The following PNPT1 variants were observed in gnomAD, a reference collection of about 807,000 sequenced individuals.
The protein encoded by PNPT1 is polyribonucleotide nucleotidyltransferase 1, mitochondrial.
In PNPT1, 53 loss-of-function variants were observed where a neutral mutation model predicts 119.5. The ratio of observed to expected loss-of-function variants is 0.44; its 90% CI spans 0.36 to 0.56. The LOEUF (loss-of-function observed/expected upper bound fraction) is 0.56. PNPT1 is among the 20% of genes least tolerant of loss of function. PNPT1 has a pLI of 0.00. For missense variants in PNPT1, 948 were observed against 938.5 expected (o/e 1.01, Z -0.13); for synonymous variants, 357 against 322.1 (o/e 1.11, Z -1.16).
At position 55,643,299 on chromosome 2, in the gene PNPT1, T is replaced by C. The variant is rs780917975; in HGVS notation, c.2013+20A>G. 6.2e-7 allele frequency: 1 copy of C among 1,611,402 alleles called. No homozygotes were observed. The highest frequency in any genetic ancestry group is 2.2e-5 in the East Asian group (1 of 44,862). On this transcript the variant is annotated intron_variant, in intron 24 of 27. Coordinates refer to ENST00000447944, the MANE Select transcript of PNPT1 (RefSeq NM_033109.5). The stretch of plus-strand genomic sequence containing the variant: ...ACAAATATAGCTATATGATACGTAA[T>C]TAATATGATCTATACTTACATCATC...
intron 8 of PNPT1, among the ~76,000 whole-genome samples, chr2:55,677,596 CAAAAAA>C (rs70954146): frequency 6.0e-5 from 2 of 33,504 alleles, no homozygotes; most frequent in Non-Finnish European, 5.2e-5. Flanking sequence ...GACTATGTCT[CAAAAAA>C]AAAAAAAAAA....
intron 26 of PNPT1, among the ~76,000 whole-genome samples, chr2:55,637,827 C>T (rs767142476): frequency 5.9e-5 from 9 of 151,828 alleles, no homozygotes; most frequent in Non-Finnish European, 1.3e-4. Context: ...AGTGAAACCC[C>T]ATCTCTGCTA....
At chr2:55,688,028 T>C (rs968273930) in intron 1 of PNPT1, among the ~76,000 whole-genome samples, 34 of 151,980 alleles carry the variant, frequency 2.2e-4, no homozygotes, top group Non-Finnish European at 4.1e-4. Context: ...TCTTTGTGCC[T>C]TGTATCTTCT....
chr2:55,671,176 G>C (rs1424719607), intron 11 of PNPT1, 143 bp downstream of exon 11: 9 of 457,440 alleles, frequency 2.0e-5, no homozygotes, highest in Non-Finnish European at 3.5e-5. Flanking sequence ...CAGCTGTAAA[G>C]TTGAAAGTCC....
intron 18 of PNPT1, among the ~76,000 whole-genome samples, chr2:55,650,737 G>A (rs1438215149): frequency 6.6e-6 from 1 of 151,306 alleles, no homozygotes; most frequent in Non-Finnish European, 1.5e-5. Flanking sequence ...GAAGTGAGGA[G>A]ACCCTCCGCC....
chr2:55,678,631 G>C (rs1200062988), intron 8 of PNPT1, among the ~76,000 whole-genome samples: 1 of 152,200 alleles, frequency 6.6e-6, no homozygotes, highest in Non-Finnish European at 1.5e-5. Flanking sequence ...GAGGATAGCA[G>C]AGGAGAAAGC....
At chr2:55,686,540 G>A in intron 2 of PNPT1, 96 bp from the exon 3 acceptor site, 2 of 825,674 alleles carry the variant, frequency 2.4e-6, no homozygotes. Flanking sequence ...TTAAACTCAA[G>A]AAAAGATATC....
In PNPT1 at chr2:55,636,188, C is replaced by T. The variant is rs765010461; in HGVS notation, c.*49G>A. 1.2e-5 allele frequency: 17 copies of T among 1,464,836 alleles called. No homozygotes were observed. The Admixed American group carries it at 2.8e-4, about 24-fold the overall frequency. The allele number at this position is 1,464,836 out of a possible 1,614,324, so 90.7% of individuals were successfully genotyped here. A position where few individuals can be genotyped will look rare whatever the true frequency, so the allele number is the denominator to read the frequency against. On this transcript the variant is annotated 3_prime_UTR_variant, in exon 28 of 28. Transcript: ENST00000447944. Reference sequence around the variant, plus strand: ...ACTACTAAAATGTTGCTCTACAGCACATCACCCTAGACAAAATAGAATTCT... The same window carrying T: ...ACTACTAAAATGTTGCTCTACAGCATATCACCCTAGACAAAATAGAATTCT...
At chr2:55,663,442 A>G (rs1453042085) in intron 13 of PNPT1, among the ~76,000 whole-genome samples, 1 of 152,174 alleles carries the variant, frequency 6.6e-6, no homozygotes, top group African/African-American at 2.4e-5. Flanking sequence ...AGAATGAGGC[A>G]TGAAAAAATA....
At chr2:55,672,375 A>C (rs1050366372) in intron 9 of PNPT1, among the ~76,000 whole-genome samples, 2 of 152,206 alleles carry the variant, frequency 1.3e-5, no homozygotes, top group Non-Finnish European at 2.9e-5. Flanking sequence ...CTCCATTATC[A>C]CATGAAACTC....
At chr2:55,665,822 CAATT>C (rs1459056104) in intron 13 of PNPT1, among the ~76,000 whole-genome samples, 3 of 152,038 alleles carry the variant, frequency 2.0e-5, no homozygotes, top group African/African-American at 4.8e-5. Flanking sequence ...ATTAAAGAAA[CAATT>C]AATGTGGGAA....
rs1389378488 is a variant in PNPT1 at position 55,656,114 on chromosome 2, G to T, written c.1441+17C>A. ...TATGGTCTTTTCTACTATGAAAGAA[G>T]TATTTCAATACCATACCATTTGACT... On this transcript the variant is annotated intron_variant, in intron 17 of 27. Coordinates refer to ENST00000447944, the MANE Select transcript of PNPT1 (RefSeq NM_033109.5). 1 of 1,600,572 alleles carries T rather than the reference G, an allele frequency of 6.2e-7. No individual in the cohort carries two copies. The highest frequency in any genetic ancestry group is 1.8e-5 in the Admixed American group (1 of 56,548).
intron 1 of PNPT1, 76 bp downstream of exon 1, chr2:55,693,587 C>T: frequency 6.4e-7 from 1 of 1,573,770 alleles, no homozygotes; most frequent in Non-Finnish European, 8.7e-7. Flanking sequence ...GGGTTTCTAC[C>T]CTGGGAGATG....
chr2:55,651,011 G>A (rs1166955105), intron 18 of PNPT1, among the ~76,000 whole-genome samples: 7 of 144,086 alleles, frequency 4.9e-5, no homozygotes, highest in South Asian at 2.2e-4. Context: ...CTGCCCGGCC[G>A]CCCCTACTGG....
rs1695660636 is a variant in PNPT1, at chr2:55,636,065, G to A, written c.*172C>T. On this transcript the variant is annotated 3_prime_UTR_variant, in exon 28 of 28. Transcript: ENST00000447944. ...ATGTAAATACAATTAAACAAATATG[G>A]GTTACTCGAATTAAAAAAATGGCAC... 1 of 379,564 alleles carries A rather than the reference G, an allele frequency of 2.6e-6. No individual in the cohort carries two copies. Among genetic ancestry groups the A allele is most frequent in the African/African-American group, 2.1e-5 (1 of 47,924 alleles). 23.5% of individuals were successfully genotyped at this position (379,564 alleles called of 1,614,324 possible).
chr2:55,663,836 A>T (rs1696653505), intron 13 of PNPT1, among the ~76,000 whole-genome samples: 1 of 151,920 alleles, frequency 6.6e-6, no homozygotes, highest in Admixed American at 6.6e-5. Flanking sequence ...AAAAAAAATT[A>T]GCCGGGCGTG....
chr2:55,647,238 A>G, intron 19 of PNPT1, 109 bp downstream of exon 19: 1 of 797,020 alleles, frequency 1.3e-6, no homozygotes, highest in Non-Finnish European at 1.9e-6. Flanking sequence ...AGCATACGCT[A>G]GGTGCAAAGT....
At position 55,640,820 on chromosome 2, in the gene PNPT1, T is replaced by C. The variant is rs983831438; in HGVS notation, c.2070-115A>G. On this transcript the variant is annotated intron_variant, in intron 25 of 27. Transcript: ENST00000447944. ...AGTAAAAAACGAAAAGAAACAATTC[T>C]AGCACGTTTTTAGAACTATAAAAAG... 4.4e-6 allele frequency: 3 copies of C among 677,898 alleles called. No homozygotes were observed. The African/African-American group carries it at 5.5e-5, about 12-fold the overall frequency. The allele number at this position is 677,898 out of a possible 1,614,324, so 42.0% of individuals were successfully genotyped here. A position where few individuals can be genotyped will look rare whatever the true frequency, so the allele number is the denominator to read the frequency against.
chr2:55,645,373 T>C lies in PNPT1; in HGVS notation c.1798A>G (p.Arg600Gly), dbSNP rs1433818519. 2.5e-6 allele frequency: 4 copies of C among 1,612,144 alleles called. No individual in the cohort carries two copies. The highest frequency in any genetic ancestry group is 1.1e-5 in the South Asian group (1 of 91,010). The change falls in exon 22 of 28, where the codon AGA becomes GGA. Residue 600 changes from arginine (R) to glycine (G), a missense_variant. Coordinates refer to ENST00000447944, the MANE Select transcript of PNPT1 (RefSeq NM_033109.5). ...CCTACAACAGGTCCATTTTCTTTTC[T>C]AGATGCTCGAGGTTTTGAAATAGTT... is the stretch of plus-strand genomic sequence containing the variant. Reference protein sequence around the residue: ...NKTISKPRASRKENGPVVETV... With the variant: ...NKTISKPRASGKENGPVVETV...
Sources: gnomAD v4.1 joint callset for allele counts (sites outside exome capture counted in the v4.1 genomes callset) on GRCh38, gnomAD v4.1.1 for gene constraint, MANE v1.5 for transcripts, NCBI Gene and HGNC (gene_info 2026-07-23, HGNC 2026-07-21) for gene names.